The following NDE1 variants were observed in gnomAD, a reference collection of about 807,000 sequenced individuals.
The protein encoded by NDE1 is nudE neurodevelopment protein 1.
Under a neutral mutation model 43.4 loss-of-function variants are expected in NDE1, and 28 were observed. That is an observed-to-expected ratio of 0.65 (90% CI 0.48 to 0.89). NDE1 has a LOEUF of 0.89. NDE1 is among the 40% of genes least tolerant of loss of function. The probability of loss-of-function intolerance (pLI) is 0.00; values close to 1 mark genes in which losing one functional copy is unlikely to be tolerated. For synonymous variants in NDE1, 184 were observed against 172.0 expected, an observed-to-expected ratio of 1.07 and a Z score of -0.55; for missense variants, 441 against 434.1, an observed-to-expected ratio of 1.02 and a Z score of -0.14.
chr16:15,709,868 C>T (rs1052748463), intron 8 of NDE1, among the ~76,000 whole-genome samples: 5 of 152,264 alleles, frequency 3.3e-5, no homozygotes, highest in East Asian at 1.9e-4. Context: ...AGGCCTTGTA[C>T]AGCTCTTGCC....
chr16:15,643,886 G>A (rs983555591), exon 1 of NDE1: 1 of 153,066 alleles, frequency 6.5e-6, no homozygotes, highest in African/African-American at 2.4e-5. Context: ...TGAATACTGC[G>A]TTTCCAGTGA....
intron 8 of NDE1, chr16:15,715,371 C>T: frequency 9.4e-7 from 1 of 1,068,178 alleles, no homozygotes; most frequent in Non-Finnish European, 1.4e-6. Flanking sequence ...TTTCCTGAGC[C>T]CCGTATCTGG....
chr16:15,670,253 C>T (rs1023716580), intron 3 of NDE1, among the ~76,000 whole-genome samples: 2 of 152,090 alleles, frequency 1.3e-5, no homozygotes, highest in Admixed American at 6.6e-5. Context: ...GTATGATGGA[C>T]GGTGAAAGGG....
upstream of NDE1, among the ~76,000 whole-genome samples, chr16:15,645,986 C>G (rs2036322908): frequency 6.6e-6 from 1 of 152,264 alleles, no homozygotes; most frequent in East Asian, 1.9e-4. Context: ...ACAAGGAAAA[C>G]AAATTGAATT....
At chr16:15,711,673 T>C (rs1410166332) in intron 8 of NDE1, among the ~76,000 whole-genome samples, 1 of 152,148 alleles carries the variant, frequency 6.6e-6, no homozygotes, top group Non-Finnish European at 1.5e-5. Context: ...AGGTTCACTC[T>C]GCCTGGTGCT....
intron 8 of NDE1, chr16:15,719,530 G>C: frequency 6.2e-7 from 1 of 1,611,510 alleles, no homozygotes; most frequent in Non-Finnish European, 8.5e-7. Flanking sequence ...GAGCTGCCAA[G>C]GGGTGCTACC....
intron 3 of NDE1, among the ~76,000 whole-genome samples, chr16:15,675,424 GTTT>G (rs11352866): frequency 7.3e-6 from 1 of 136,378 alleles, no homozygotes; most frequent in Non-Finnish European, 1.6e-5. Context: ...GTGATTTTGG[GTTT>G]TTTTTTTTTT....
chr16:15,707,764 G>A (rs1387803651), intron 8 of NDE1, among the ~76,000 whole-genome samples: 1 of 152,144 alleles, frequency 6.6e-6, no homozygotes, highest in Non-Finnish European at 1.5e-5. Flanking sequence ...CTGAAGTCAG[G>A]AGTTTGAGAC....
intron 3 of NDE1, among the ~76,000 whole-genome samples, chr16:15,673,969 G>A (rs1339277234): frequency 6.6e-6 from 1 of 152,132 alleles, no homozygotes; most frequent in Non-Finnish European, 1.5e-5. Flanking sequence ...CCAGTCATTT[G>A]CTACTGGTTG....
intron 8 of NDE1, chr16:15,699,775 T>C: frequency 7.4e-7 from 1 of 1,351,620 alleles, no homozygotes; most frequent in Non-Finnish European, 9.8e-7. Context: ...ACACATGTCT[T>C]CATCGCCGCT....
intron 3 of NDE1, 58 bp from the exon 4 acceptor site, chr16:15,677,743 G>T: frequency 6.2e-7 from 1 of 1,601,424 alleles, no homozygotes; most frequent in Non-Finnish European, 8.5e-7. Flanking sequence ...GTGTGCTACT[G>T]TGTCTAGCCT....
intron 8 of NDE1, among the ~76,000 whole-genome samples, chr16:15,705,594 C>G (rs1299096961): frequency 6.6e-6 from 1 of 152,150 alleles, no homozygotes; most frequent in Non-Finnish European, 1.5e-5. Flanking sequence ...TATTTTAGGA[C>G]ATCAAAGAAG....
intron 3 of NDE1, among the ~76,000 whole-genome samples, chr16:15,676,515 CTT>C (rs1189100499): frequency 2.6e-5 from 4 of 151,954 alleles, no homozygotes; most frequent in Non-Finnish European, 5.9e-5. Context: ...CCTGGCCTGT[CTT>C]TATGTTTTTA....
At chr16:15,710,247 G>A (rs2039704150) in intron 8 of NDE1, among the ~76,000 whole-genome samples, 1 of 152,150 alleles carries the variant, frequency 6.6e-6, no homozygotes, top group South Asian at 2.1e-4. Context: ...GGCCGGCCGG[G>A]CATGGTGGCT....
exon 1 of NDE1, chr16:15,643,849 A>T (rs968269529): frequency 3.8e-5 from 6 of 157,724 alleles, no homozygotes; most frequent in African/African-American, 1.4e-4. Context: ...TTATTTTTAA[A>T]AGCCCTGCTC....
intron 5 of NDE1, among the ~76,000 whole-genome samples, chr16:15,690,498 C>T (rs2038698502): frequency 6.6e-6 from 1 of 150,946 alleles, no homozygotes; most frequent in Non-Finnish European, 1.5e-5. Flanking sequence ...GCTGGGATTA[C>T]AGGCATGAGT....
chr16:15,688,297 C>T (rs2038543071), intron 5 of NDE1, among the ~76,000 whole-genome samples: 1 of 152,048 alleles, frequency 6.6e-6, no homozygotes, highest in Non-Finnish European at 1.5e-5. Context: ...TCAGCATTTG[C>T]TCTTTTTCAG....
At position 15,725,418 on chromosome 16, in the gene NDE1, C is replaced by T. The variant is rs962105002; in HGVS notation, c.*1167C>T. The T allele has an allele frequency of 6.4e-5, 32 of 500,964 alleles. No homozygotes were observed. Among genetic ancestry groups the T allele is most frequent in the Non-Finnish European group, 1.0e-4 (30 of 288,568 alleles). 31.0% of individuals were successfully genotyped at this position (500,964 alleles called of 1,614,324 possible). ...AGACCAGGATGGTACTTGAACGTCC[C>T]AGGGATGCTGTCCCATCCCTTCCTT... On this transcript the variant is annotated 3_prime_UTR_variant, in exon 9 of 9. Coordinates refer to ENST00000396354, the MANE Select transcript of NDE1 (RefSeq NM_017668.3).
chr16:15,704,097 G>A, intron 8 of NDE1: 1 of 1,614,100 alleles, frequency 6.2e-7, no homozygotes, highest in Non-Finnish European at 8.5e-7. Context: ...CCTTCTAGAA[G>A]GAACGAAAGA....
Sources: gnomAD v4.1 joint callset for allele counts (sites outside exome capture counted in the v4.1 genomes callset) on GRCh38, gnomAD v4.1.1 for gene constraint, MANE v1.5 for transcripts, NCBI Gene and HGNC (gene_info 2026-07-23, HGNC 2026-07-21) for gene names.